The following LAMA4 variants were observed in gnomAD, a reference collection of about 807,000 sequenced individuals.
LAMA4 encodes laminin subunit alpha-4.
In LAMA4, 127 loss-of-function variants were observed where a neutral mutation model predicts 207.1. The ratio of observed to expected loss-of-function variants is 0.61; its 90% CI spans 0.53 to 0.71. The LOEUF is 0.71. LAMA4 is among the 30% of genes least tolerant of loss of function. The probability of loss-of-function intolerance (pLI) is 0.00; values close to 1 mark genes in which losing one functional copy is unlikely to be tolerated. For synonymous variants in LAMA4, 761 were observed against 816.0 expected (o/e 0.93, Z 1.15); for missense variants, 2,093 against 2,246.5 (o/e 0.93, Z 1.38).
chr6:112,208,958 C>G (rs775590608), intron 3 of LAMA4, among the ~76,000 whole-genome samples: 1 of 152,140 alleles, frequency 6.6e-6, no homozygotes, highest in African/African-American at 2.4e-5. Flanking sequence ...GTTCTTAATA[C>G]TGTGTCTTGT....
intron 3 of LAMA4, 74 bp from the exon 4 acceptor site, chr6:112,207,219 C>T: frequency 2.6e-6 from 4 of 1,547,804 alleles, no homozygotes; most frequent in Non-Finnish European, 3.6e-6. Context: ...AAGCATCATG[C>T]AATACTTTTT....
At chr6:112,249,378 G>T (rs1369162288) in intron 2 of LAMA4, among the ~76,000 whole-genome samples, 2 of 149,282 alleles carry the variant, frequency 1.3e-5, no homozygotes, top group Non-Finnish European at 3.0e-5. Context: ...AGGAGGCAGG[G>T]GTTGCAGTGA....
intron 32 of LAMA4, 111 bp from the exon 33 acceptor site, chr6:112,120,583 T>C: frequency 1.2e-6 from 1 of 809,642 alleles, no homozygotes; most frequent in Non-Finnish European, 2.1e-6. Flanking sequence ...CCATTCTATC[T>C]AATCCCAAGC....
At chr6:112,132,716 C>T (rs1554330228) in intron 28 of LAMA4, 37 bp downstream of exon 28, 1 of 1,595,854 alleles carries the variant, frequency 6.3e-7, no homozygotes, top group Non-Finnish European at 8.6e-7. Flanking sequence ...AAACAATTAT[C>T]ACAAAGAAGT....
At chr6:112,193,369 A>G (rs1783229661) in intron 5 of LAMA4, among the ~76,000 whole-genome samples, 1 of 152,026 alleles carries the variant, frequency 6.6e-6, no homozygotes, top group African/African-American at 2.4e-5. Flanking sequence ...TTTCCAAGGA[A>G]ATCAACAAGC....
chr6:112,217,811 A>G (rs1784714563), intron 2 of LAMA4: 1 of 152,234 alleles, frequency 6.6e-6, no homozygotes, highest in Admixed American at 6.5e-5. Flanking sequence ...GTTGATGGTA[A>G]GCTTCTTAGT....
rs1779615714 is a variant in LAMA4 at position 112,140,334 on chromosome 6, C to G, written c.2976+426G>C. 2.6e-5 allele frequency among the ~76,000 whole-genome samples: 4 copies of G among 152,288 alleles called. No individual in the cohort carries two copies. The South Asian group carries it at 8.3e-4, about 32-fold the overall frequency. The stretch of plus-strand genomic sequence containing the variant: ...CCCCCTTCATCAGATTTCATACTCT[C>G]TCCGAAGTCTCACCCCCTCTCTCAT... On this transcript the variant is annotated intron_variant, in intron 22 of 38. Coordinates refer to ENST00000230538, the MANE Select transcript of LAMA4 (RefSeq NM_001105206.3).
At chr6:112,113,394 G>A (rs1469335862) in intron 38 of LAMA4, among the ~76,000 whole-genome samples, 3 of 152,192 alleles carry the variant, frequency 2.0e-5, no homozygotes, top group Non-Finnish European at 4.4e-5. Context: ...TAGCATTCAG[G>A]TTTTCCAAGT....
chr6:112,125,818 G>A (rs782468256), intron 31 of LAMA4, among the ~76,000 whole-genome samples: 3 of 152,212 alleles, frequency 2.0e-5, no homozygotes, highest in African/African-American at 4.8e-5. Context: ...AGTGAATATA[G>A]TAAGTGAATA....
At chr6:112,144,668 G>T (rs1475217822) in intron 19 of LAMA4, 126 bp downstream of exon 19, 1 of 1,112,608 alleles carries the variant, frequency 9.0e-7, no homozygotes, top group Non-Finnish European at 1.4e-6. Flanking sequence ...AGCAAATGGG[G>T]CTGAGAACTA....
At position 112,218,564 on chromosome 6, in the gene LAMA4, G is replaced by A. The variant is rs1438462599; in HGVS notation, c.196-2095C>T. 4.6e-5 allele frequency: 7 copies of A among 152,186 alleles called. No homozygotes were observed. The East Asian group carries it at 5.8e-4, about 13-fold the overall frequency. The allele number at this position is 152,186 out of a possible 1,614,324, so 9.4% of individuals were successfully genotyped here. A position where few individuals can be genotyped will look rare whatever the true frequency, so the allele number is the denominator to read the frequency against. The stretch of plus-strand genomic sequence containing the variant: ...TAATCCATCCACTGCTCTCTCCTAA[G>A]GGTGGATTTCATCTCAACTCTTTGT... On this transcript the variant is annotated intron_variant, in intron 2 of 38. Transcript: ENST00000230538.
In LAMA4 at chr6:112,165,196, A is replaced by C; in HGVS notation, c.1632T>G (p.Pro544=). The C allele has an allele frequency of 6.2e-7, 1 of 1,612,120 alleles. No individual in the cohort carries two copies. Among genetic ancestry groups the C allele is most frequent in the Non-Finnish European group, 8.5e-7 (1 of 1,178,156 alleles). ...LSTSADSLTT[P]RLTLSELDDI... is the part of the protein sequence containing the mutation. ...CATCAAGTTCTGAAAGAGTTAGACG[A>C]GGTGTTGTCAGAGAGTCCGCAGATG... Residue 544 remains proline (P), a synonymous_variant, in exon 13 of 39, where the codon CCT becomes CCG. Coordinates refer to ENST00000230538, the MANE Select transcript of LAMA4 (RefSeq NM_001105206.3).
At chr6:112,223,358 G>T (rs965652062) in intron 2 of LAMA4, among the ~76,000 whole-genome samples, 12 of 152,156 alleles carry the variant, frequency 7.9e-5, no homozygotes, top group African/African-American at 2.9e-4. Context: ...TGACTCCTTA[G>T]CTACTTAGAA....
At position 112,115,954 on chromosome 6, in the gene LAMA4, A is replaced by C. The variant is rs1209180229; in HGVS notation, c.5021T>G (p.Phe1674Cys). ...GGAACTGCTTCTGGGACGGACTTCA[A>C]ATGCAATTTCAAACTTCAATCCAAT... ...FNIGLKFEIAFEVRPRSSSGT... is the reference protein window; with the variant it reads ...FNIGLKFEIACEVRPRSSSGT... The change falls in exon 36 of 39, where the codon TTT becomes TGT. Residue 1674 changes from phenylalanine (F) to cysteine (C), a missense_variant. By Grantham distance (205) the Phe-to-Cys change is radical (BLOSUM62 -2). Around this residue, in one of 3 missense-constraint regions of LAMA4, gnomAD observed 383 missense variants for 437.8 expected, o/e 0.87. Coordinates refer to ENST00000230538, the MANE Select transcript of LAMA4 (RefSeq NM_001105206.3). The C allele has an allele frequency of 1.7e-5, 28 of 1,613,452 alleles. No individual in the cohort carries two copies. Among genetic ancestry groups the C allele is most frequent in the Non-Finnish European group, 2.2e-5 (26 of 1,179,504 alleles).
At chr6:112,153,166 T>C (rs1474780803) in intron 16 of LAMA4, among the ~76,000 whole-genome samples, 1 of 152,074 alleles carries the variant, frequency 6.6e-6, no homozygotes, top group African/African-American at 2.4e-5. Flanking sequence ...TGATATATAA[T>C]GAAAAGGAAA....
intron 8 of LAMA4, among the ~76,000 whole-genome samples, chr6:112,185,980 G>C (rs2301512): frequency 0.26 from 39,821 of 152,120 alleles, 7,696 homozygotes; most frequent in African/African-American, 0.54. Context: ...ACTCCCCTGG[G>C]GGGTAGTGTC....
rs563369635 is a variant in LAMA4 at position 112,204,525 on chromosome 6, G to T, written c.422+2496C>A. ...CTCGACGCCTATAAACCTTTTCTGA[G>T]CAGATGAGGCTACACAACATGTTTA... On this transcript the variant is annotated intron_variant, in intron 4 of 38. Transcript: ENST00000230538. Among the ~76,000 whole-genome samples, 20 of 150,016 alleles carry T rather than the reference G, an allele frequency of 1.3e-4. No homozygotes were observed. The Middle Eastern group carries it at 0.01, about 77-fold the overall frequency.
At chr6:112,195,086 C>T (rs2114978674) in intron 5 of LAMA4, among the ~76,000 whole-genome samples, 2 of 152,310 alleles carry the variant, frequency 1.3e-5, no homozygotes, top group East Asian at 3.9e-4. Flanking sequence ...CCTGCCCTTT[C>T]TCTTTCTCTT....
rs1554335024 is a variant in LAMA4, at chr6:112,148,301, T to A, written c.2209A>T (p.Ile737Phe). The change falls in exon 18 of 39, where the codon ATC becomes TTC. Residue 737 changes from isoleucine to phenylalanine, a missense_variant. Ile to Phe is a conservative substitution (Grantham distance 21, BLOSUM62 0). This residue lies in a region of LAMA4 where 1,704 missense variants were observed against 1,788.4 expected (regional missense o/e 0.95). Coordinates refer to ENST00000230538, the MANE Select transcript of LAMA4 (RefSeq NM_001105206.3). Reference protein sequence around the residue: ...AQQRLGQSRLITEEANRTTME... With the variant: ...AQQRLGQSRLFTEEANRTTME... Reference sequence around the variant, plus strand: ...GTCGTCCTGTTGGCTTCCTCGGTGATCAGTCTAGACTGCCCCAGGCGCTGC... The same window carrying A: ...GTCGTCCTGTTGGCTTCCTCGGTGAACAGTCTAGACTGCCCCAGGCGCTGC... The A allele has an allele frequency of 4.3e-6, 7 of 1,614,158 alleles. 1 individual carries two copies. The South Asian group carries it at 5.5e-5, about 13-fold the overall frequency.
Sources: allele counts gnomAD v4.1 joint callset (sites outside exome capture counted in the v4.1 genomes callset), GRCh38; gene constraint gnomAD v4.1.1; regional missense constraint gnomAD v4.1.1; transcripts MANE v1.5; gene names NCBI Gene and HGNC (gene_info 2026-07-23, HGNC 2026-07-21).